Variants in CHLSN observed in about 807,000 individuals in gnomAD.
CHLSN encodes the protein cholesin.
the CHLSN span, chr7:987,281 GC>G: frequency 1.3e-6 from 2 of 1,505,548 alleles, no homozygotes; most frequent in Non-Finnish European, 8.9e-7. Context: ...GGCTCCTTCT[GC>G]CCCCGGGGGA....
chr7:1,051,686 A>G, the CHLSN span, among the ~76,000 whole-genome samples: 1 of 152,246 alleles, frequency 6.6e-6, no homozygotes, highest in African/African-American at 2.4e-5. Flanking sequence ...TTAAAAAACA[A>G]AAACAGGTCA....
At chr7:984,272 T>C in the CHLSN span, 11 of 1,149,512 alleles carry the variant, frequency 9.6e-6, no homozygotes, top group African/African-American at 1.6e-5. Flanking sequence ...ACTGGCTTTA[T>C]GGCATCTAGG....
chr7:982,489 C>T, the CHLSN span, among the ~76,000 whole-genome samples: 8 of 152,354 alleles, frequency 5.3e-5, no homozygotes, highest in East Asian at 7.7e-4. Context: ...GGACAGGGCT[C>T]GTAAACCCCG....
At chr7:1,107,616 C>T in the CHLSN span, among the ~76,000 whole-genome samples, 1 of 152,380 alleles carries the variant, frequency 6.6e-6, no homozygotes, top group East Asian at 1.9e-4. Flanking sequence ...GCTCTGAACT[C>T]TTTTTGACAA....
chr7:1,093,960 G>T, the CHLSN span: 3 of 322,440 alleles, frequency 9.3e-6, no homozygotes, highest in Admixed American at 8.1e-5. Flanking sequence ...CTCTGAGTCC[G>T]GCCAGCCGGA....
the CHLSN span, among the ~76,000 whole-genome samples, chr7:1,102,913 C>T: frequency 6.6e-6 from 1 of 152,260 alleles, no homozygotes; most frequent in Non-Finnish European, 1.5e-5. Flanking sequence ...AAAAATGCCC[C>T]GTCCCCTGCA....
chr7:1,133,921 C>G, the CHLSN span, among the ~76,000 whole-genome samples: 1 of 152,094 alleles, frequency 6.6e-6, no homozygotes, highest in African/African-American at 2.4e-5. Context: ...ATCCTCCCAA[C>G]TCAGCCTCCG....
the CHLSN span, among the ~76,000 whole-genome samples, chr7:1,098,050 C>T: frequency 4.3e-4 from 64 of 148,974 alleles, no homozygotes; most frequent in African/African-American, 1.4e-3. Flanking sequence ...TGGGGTCAGT[C>T]GACAAGAATG....
the CHLSN span, among the ~76,000 whole-genome samples, chr7:1,038,497 C>T: frequency 1.0e-4 from 11 of 108,104 alleles, no homozygotes; most frequent in Admixed American, 6.6e-4. Flanking sequence ...GTAAGCCCCC[C>T]GCCTGGCCAG....
At chr7:1,127,408 G>A in the CHLSN span, 2 of 1,589,680 alleles carry the variant, frequency 1.3e-6, no homozygotes, top group Non-Finnish European at 1.7e-6. Context: ...AAAGTAAATT[G>A]CTGAAGACAA....
the CHLSN span, among the ~76,000 whole-genome samples, chr7:1,046,099 G>A: frequency 6.6e-6 from 1 of 152,314 alleles, no homozygotes; most frequent in African/African-American, 2.4e-5. Flanking sequence ...ATGAATCAAT[G>A]GCATACTGCA....
chr7:1,048,712 G>A, the CHLSN span, among the ~76,000 whole-genome samples: 1 of 152,152 alleles, frequency 6.6e-6, no homozygotes, highest in Admixed American at 6.5e-5. Context: ...CACTTGAAAT[G>A]CTCCTGACAG....
At chr7:1,057,840 T>C in the CHLSN span, 7 of 777,614 alleles carry the variant, frequency 9.0e-6, no homozygotes, top group Admixed American at 1.2e-4. Context: ...GCAGATCCCC[T>C]TCAATGTGTC....
the CHLSN span, chr7:1,021,621 G>A: frequency 1.0e-6 from 1 of 966,032 alleles, no homozygotes; most frequent in East Asian, 1.1e-4. Context: ...CAATCTGCCA[G>A]CCCCAGTGTG....
chr7:996,605 A>C, the CHLSN span, among the ~76,000 whole-genome samples: 3 of 152,048 alleles, frequency 2.0e-5, no homozygotes, highest in African/African-American at 4.8e-5. Context: ...ACTTGGCCTC[A>C]CAGTGGGGCA....
chr7:1,068,636 A>T, the CHLSN span, among the ~76,000 whole-genome samples: 4 of 151,758 alleles, frequency 2.6e-5, no homozygotes, highest in East Asian at 3.9e-4. Context: ...CGGCCTCCCC[A>T]TCCCCAGTCT....
At chr7:1,040,693 A>G in the CHLSN span, among the ~76,000 whole-genome samples, 1 of 114,130 alleles carries the variant, frequency 8.8e-6, no homozygotes, top group African/African-American at 2.9e-5. Context: ...AAAAGAACAA[A>G]AAAAAAAAAA....
At chr7:1,102,727 C>T in the CHLSN span, among the ~76,000 whole-genome samples, 1 of 152,336 alleles carries the variant, frequency 6.6e-6, no homozygotes, top group South Asian at 2.1e-4. Context: ...GAGGGTGGGC[C>T]GCCCGCAGGC....
the CHLSN span, among the ~76,000 whole-genome samples, chr7:1,135,908 A>AAAATATATATAAGTATATAT: frequency 8.4e-4 from 86 of 102,616 alleles, no homozygotes; most frequent in East Asian, 3.8e-3. Flanking sequence ...AGTATATATA[A>AAAATATATATAAGTATATAT]AAATATATAT....
Sources: gnomAD v4.1 joint callset for allele counts (sites outside exome capture counted in the v4.1 genomes callset) on GRCh38, gnomAD v4.1.1 for gene constraint, MANE v1.5 for transcripts, NCBI Gene and HGNC (gene_info 2026-07-23, HGNC 2026-07-21) for gene names.